The following CD48 variants were observed in gnomAD, a reference collection of about 807,000 sequenced individuals.
CD48 encodes CD48 antigen.
In CD48, 20 loss-of-function variants were observed where a neutral mutation model predicts 22.0. The ratio of observed to expected loss-of-function variants is 0.91; its 90% CI spans 0.64 to 1.32. The LOEUF is 1.32. CD48 is among the 40% of genes most tolerant of loss of function. CD48 has a pLI of 0.00. For synonymous variants in CD48, 110 were observed against 110.1 expected, an observed-to-expected ratio of 1.00 and a Z score of 0.01; for missense variants, 307 against 286.5, an observed-to-expected ratio of 1.07 and a Z score of -0.52.
At chr1:160,684,701 A>T in intron 2 of CD48, 186 bp downstream of exon 2, 1 of 1,497,952 alleles carries the variant, frequency 6.7e-7, no homozygotes, top group Non-Finnish European at 8.9e-7. Flanking sequence ...TAAGATTGTT[A>T]ATTTGGATAT....
At chr1:160,690,574 CCAAA>C (rs993926464) in intron 1 of CD48, among the ~76,000 whole-genome samples, 8 of 152,140 alleles carry the variant, frequency 5.3e-5, no homozygotes, top group African/African-American at 1.7e-4. Flanking sequence ...ATTAAAGACA[CCAAA>C]CAGTCAACTT....
chr1:160,690,318 A>G (rs1389521428), intron 1 of CD48, among the ~76,000 whole-genome samples: 1 of 152,210 alleles, frequency 6.6e-6, no homozygotes, highest in African/African-American at 2.4e-5. Context: ...GAAGGTATCT[A>G]CTGAGACATG....
In CD48 at chr1:160,679,105, C is replaced by T; in HGVS notation, c.679G>A (p.Ala227Thr). The T allele has an allele frequency of 6.2e-7, 1 of 1,614,126 alleles. No homozygotes were observed. The highest frequency in any genetic ancestry group is 8.5e-7 in the Non-Finnish European group (1 of 1,179,994). ...GGCACCGTGACCACTAGCCAACTTG[C>T]AATCCATTCTACTCCAAAGGACCGG... The part of the protein sequence containing the change: ...LARSFGVEWI[A>T]SWLVVTVPTI... The change falls in exon 4 of 4, where the codon GCA becomes ACA. Residue 227 changes from alanine (A) to threonine (T), a missense_variant. Coordinates refer to ENST00000368046, the MANE Select transcript of CD48 (RefSeq NM_001778.4).
At chr1:160,691,823 C>T (rs1012960071) in intron 1 of CD48, 3 of 366,598 alleles carry the variant, frequency 8.2e-6, no homozygotes, top group East Asian at 7.6e-5. Flanking sequence ...GAGGACAAGT[C>T]GACAAGAGAT....
rs7538591 is a variant in CD48, at chr1:160,704,414, G to A, written c.82+7268C>T. Among the ~76,000 whole-genome samples, 1,331 of 149,594 alleles carry A rather than the reference G, an allele frequency of 8.9e-3. 18 individuals are homozygous for A. The highest frequency in any genetic ancestry group is 0.031 in the African/African-American group (1,264 of 40,182). On this transcript the variant is annotated intron_variant, in intron 1 of 3. Coordinates refer to ENST00000368046, the MANE Select transcript of CD48 (RefSeq NM_001778.4). ...TGGGGTTAGCGGGATACATGTATGA[G>A]GGTTGCAAACTCTTGTGTGTGAAGT...
At chr1:160,682,659 A>C (rs149609382) in intron 2 of CD48, among the ~76,000 whole-genome samples, 1 of 152,274 alleles carries the variant, frequency 6.6e-6, no homozygotes, top group Non-Finnish European at 1.5e-5. Context: ...CCTTGCTGTC[A>C]TCTGTAAACT....
chr1:160,682,221 G>A (rs536318804), intron 2 of CD48, among the ~76,000 whole-genome samples: 1 of 152,026 alleles, frequency 6.6e-6, no homozygotes, highest in African/African-American at 2.4e-5. Flanking sequence ...GCTGAGGCAG[G>A]AGGATTGCTT....
At chr1:160,685,711 G>A (rs1342606267) in intron 1 of CD48, among the ~76,000 whole-genome samples, 2 of 152,116 alleles carry the variant, frequency 1.3e-5, no homozygotes, top group African/African-American at 2.4e-5. Context: ...TAAAGGTAAC[G>A]TGGGGACCAA....
intron 1 of CD48, among the ~76,000 whole-genome samples, chr1:160,710,394 G>A (rs184461353): frequency 0.011 from 1,611 of 152,206 alleles, 27 homozygotes; most frequent in African/African-American, 0.037. Flanking sequence ...CCAGGTTATA[G>A]CCCGGGTGTT....
chr1:160,703,778 TG>T (rs1381475803), intron 1 of CD48, among the ~76,000 whole-genome samples: 2 of 151,984 alleles, frequency 1.3e-5, no homozygotes, highest in Non-Finnish European at 2.9e-5. Flanking sequence ...AGTAAAGACT[TG>T]GAGGAGAGAG....
chr1:160,686,397 G>A (rs1391735701), intron 1 of CD48, among the ~76,000 whole-genome samples: 2 of 152,170 alleles, frequency 1.3e-5, no homozygotes, highest in African/African-American at 4.8e-5. Flanking sequence ...TTCCTATCCG[G>A]AGGGTAGGGA....
intron 3 of CD48, chr1:160,680,925 A>C: frequency 1.4e-6 from 2 of 1,429,680 alleles, no homozygotes; most frequent in Non-Finnish European, 1.8e-6. Flanking sequence ...TGTTAGGACT[A>C]TGCTTTGTTA....
chr1:160,680,431 G>C (rs1349977629), intron 3 of CD48: 2 of 267,004 alleles, frequency 7.5e-6, no homozygotes, highest in African/African-American at 4.6e-5. Flanking sequence ...GATAGGAACT[G>C]TTATTTTGTC....
At chr1:160,708,831 A>G (rs959842530) in intron 1 of CD48, among the ~76,000 whole-genome samples, 5 of 152,132 alleles carry the variant, frequency 3.3e-5, no homozygotes, top group East Asian at 1.9e-4. Flanking sequence ...GATGGCTTCA[A>G]TGAATGGAAT....
Position 160,681,344 on chromosome 1 carries a change from C to T in CD48, c.510G>A (p.Arg170=), listed in dbSNP as rs1197560667. 3 of 1,614,050 alleles carry T rather than the reference C, an allele frequency of 1.9e-6. No individual in the cohort carries two copies. The highest frequency in any genetic ancestry group is 1.3e-5 in the African/African-American group (1 of 74,906). ...SVNYTWYGDK[R]PFPKELQNSV... is the part of the protein sequence containing the mutation. ...TGTTCTGGAGCTCCTTTGGGAAGGGCCTTTTGTCCCCATACCAGGTGTAGT... is the reference window on the plus strand; with the variant it reads ...TGTTCTGGAGCTCCTTTGGGAAGGGTCTTTTGTCCCCATACCAGGTGTAGT... The change falls in exon 3 of 4, where the codon AGG becomes AGA. Residue 170 remains arginine (R), a synonymous_variant. Transcript: ENST00000368046.
intron 1 of CD48, among the ~76,000 whole-genome samples, chr1:160,710,829 A>G (rs1343699157): frequency 1.3e-5 from 2 of 152,232 alleles, no homozygotes; most frequent in Non-Finnish European, 2.9e-5. Context: ...ATTTTATGCC[A>G]CAGTGTGACT....
At chr1:160,699,493 G>C (rs1662550943) in intron 1 of CD48, 1 of 152,404 alleles carries the variant, frequency 6.6e-6, no homozygotes, top group African/African-American at 2.4e-5. Flanking sequence ...AGGAGGATTA[G>C]TATAAGAGGA....
intron 1 of CD48, among the ~76,000 whole-genome samples, chr1:160,695,445 G>A (rs1466761040): frequency 6.6e-6 from 1 of 151,116 alleles, no homozygotes. Flanking sequence ...ATTATTTAGG[G>A]ATGCAGATAG....
At chr1:160,693,656 C>T (rs1370027139) in intron 1 of CD48, among the ~76,000 whole-genome samples, 4 of 152,258 alleles carry the variant, frequency 2.6e-5, no homozygotes, top group South Asian at 2.1e-4. Context: ...AAAAGGAAAA[C>T]ATTGGGCTAG....
Sources: gnomAD v4.1 joint callset for allele counts (sites outside exome capture counted in the v4.1 genomes callset) on GRCh38, gnomAD v4.1.1 for gene constraint, MANE v1.5 for transcripts, NCBI Gene and HGNC (gene_info 2026-07-23, HGNC 2026-07-21) for gene names.